Variants in HERC1 observed in about 807,000 individuals in gnomAD.
The protein encoded by HERC1 is probable E3 ubiquitin-protein ligase HERC1.
HERC1 carries 160 observed loss-of-function variants against 554.3 expected under a neutral mutation model. That is an observed-to-expected ratio of 0.29 (90% CI 0.25 to 0.33). The LOEUF (loss-of-function observed/expected upper bound fraction) is 0.33. Among genes scored for constraint, HERC1 ranks in the 10% least tolerant of loss-of-function variants. HERC1 has a pLI of 1.00. For synonymous variants in HERC1, 2,175 were observed against 2,131.7 expected, an observed-to-expected ratio of 1.02 and a Z score of -0.56; for missense variants, 4,919 against 5,918.5, an observed-to-expected ratio of 0.83 and a Z score of 5.54.
At chr15:63,815,195 T>C (rs74019032) in intron 1 of HERC1, among the ~76,000 whole-genome samples, 4,098 of 152,220 alleles carry the variant, frequency 0.027, 72 homozygotes, top group African/African-American at 0.051. Context: ...TGTCTAAAAG[T>C]TAAATATGTC....
At chr15:63,728,626 G>A (rs955549301) in intron 16 of HERC1, among the ~76,000 whole-genome samples, 4 of 152,090 alleles carry the variant, frequency 2.6e-5, no homozygotes, top group Non-Finnish European at 5.9e-5. Context: ...AAAGGCTCTA[G>A]GACTCAGGAA....
At chr15:63,771,753 G>C (rs750482966) in intron 2 of HERC1, among the ~76,000 whole-genome samples, 9 of 151,914 alleles carry the variant, frequency 5.9e-5, no homozygotes, top group Non-Finnish European at 1.3e-4. Flanking sequence ...TTTTTTAGAG[G>C]CATCTCTGCC....
At chr15:63,804,737 A>C (rs903916584) in intron 1 of HERC1, among the ~76,000 whole-genome samples, 3 of 152,194 alleles carry the variant, frequency 2.0e-5, no homozygotes, top group Non-Finnish European at 4.4e-5. Flanking sequence ...TATAAAAAGA[A>C]CCCTTACAAC....
chr15:63,729,254 C>G lies in HERC1; in HGVS notation c.3136G>C (p.Val1046Leu). 6.2e-7 allele frequency: 1 copy of G among 1,600,428 alleles called. No homozygotes were observed. The highest frequency in any genetic ancestry group is 8.5e-7 in the Non-Finnish European group (1 of 1,176,322). Reference sequence around the variant, plus strand: ...AACTCACCTCTTAATTTTTCTCCAACACTGCCATTCCAAGGACTTTCTTTG... The same window carrying G: ...AACTCACCTCTTAATTTTTCTCCAAGACTGCCATTCCAAGGACTTTCTTTG... ...LLKESPWNGS[V>L]GEKLRDVIYV... The change falls in exon 16 of 78, where the codon GTT (valine) becomes CTT (leucine). Residue 1046 changes from valine to leucine, a missense_variant. This residue lies in a region of HERC1 where 1,121 missense variants were observed against 1,244.0 expected (regional missense o/e 0.90). Transcript: ENST00000443617.
At chr15:63,713,284 A>T in intron 23 of HERC1, 69 bp downstream of exon 23, 1 of 1,316,928 alleles carries the variant, frequency 7.6e-7, no homozygotes. Context: ...TTGGAAACAA[A>T]CCATTTCAGT....
rs2067790377 is a variant in HERC1 at position 63,615,816 on chromosome 15, T to C, written c.14046A>G (p.Glu4682=). ...SIPLTFSNRK[E]YVERAIEYRL... is the part of the protein sequence containing the mutation. ...GATATTCAATGGCCCTCTCCACATA[T>C]TCCTTCCTGTTGGAAAATGTGAGTG... The change falls in exon 76 of 78, where the codon GAA becomes GAG. Residue 4682 remains glutamate (E), a synonymous_variant. Transcript: ENST00000443617. The C allele has an allele frequency of 1.2e-6, 2 of 1,608,788 alleles. No individual in the cohort carries two copies. The highest frequency in any genetic ancestry group is 1.7e-6 in the Non-Finnish European group (2 of 1,178,322).
At chr15:63,699,071 G>T (rs533205244) in intron 25 of HERC1, 75 bp from the exon 26 acceptor site, 4 of 1,325,026 alleles carry the variant, frequency 3.0e-6, no homozygotes, top group Non-Finnish European at 4.2e-6. Context: ...ATAAGGCTGA[G>T]TGCTGCTACC....
intron 1 of HERC1, among the ~76,000 whole-genome samples, chr15:63,784,478 A>T (rs1436591721): frequency 6.6e-6 from 1 of 152,216 alleles, no homozygotes; most frequent in Non-Finnish European, 1.5e-5. Context: ...ACATTTTTTT[A>T]AAACCTAGGA....
chr15:63,823,475 T>C (rs1187079937), intron 1 of HERC1, among the ~76,000 whole-genome samples: 1 of 152,172 alleles, frequency 6.6e-6, no homozygotes, highest in Non-Finnish European at 1.5e-5. Context: ...TTGCCTAACA[T>C]CATTCTACCT....
intron 55 of HERC1, 55 bp downstream of exon 55, chr15:63,648,014 G>A (rs1329128215): frequency 7.1e-7 from 1 of 1,402,736 alleles, no homozygotes; most frequent in Non-Finnish European, 9.9e-7. Context: ...ATCTATGCAT[G>A]TAACAAAATT....
At chr15:63,708,697 A>G (rs1432920802) in intron 24 of HERC1, among the ~76,000 whole-genome samples, 3 of 152,244 alleles carry the variant, frequency 2.0e-5, no homozygotes, top group Non-Finnish European at 4.4e-5. Flanking sequence ...AACTTCTAAC[A>G]TTTTAAAAAG....
intron 19 of HERC1, among the ~76,000 whole-genome samples, chr15:63,720,885 G>A (rs2073790116): frequency 1.3e-5 from 2 of 152,094 alleles, no homozygotes; most frequent in Non-Finnish European, 2.9e-5. Flanking sequence ...AAAATAATGG[G>A]TTCCTTTAAA....
At chr15:63,655,071 C>T (rs564496132) in intron 50 of HERC1, among the ~76,000 whole-genome samples, 38 of 151,780 alleles carry the variant, frequency 2.5e-4, no homozygotes, top group African/African-American at 8.2e-4. Context: ...AAGCCAGTAT[C>T]GGCTGGGTGT....
chr15:63,725,069 C>G (rs1378488260), intron 18 of HERC1, among the ~76,000 whole-genome samples: 1 of 152,030 alleles, frequency 6.6e-6, no homozygotes, highest in Non-Finnish European at 1.5e-5. Flanking sequence ...CAGAGTAGGA[C>G]CAGACCTACA....
intron 1 of HERC1, among the ~76,000 whole-genome samples, chr15:63,791,163 T>G (rs1309352345): frequency 6.6e-6 from 1 of 152,200 alleles, no homozygotes; most frequent in Non-Finnish European, 1.5e-5. Flanking sequence ...GACATATCTA[T>G]CAACCTTCTC....
In HERC1 at chr15:63,718,935, T is replaced by G. The variant is rs2073687360; in HGVS notation, c.3743-38A>C. The G allele has an allele frequency of 7.0e-7, 1 of 1,421,210 alleles. No homozygotes were observed. Among genetic ancestry groups the G allele is most frequent in the African/African-American group, 1.4e-5 (1 of 70,292 alleles). 88.0% of individuals were successfully genotyped at this position (1,421,210 alleles called of 1,614,324 possible). On this transcript the variant is annotated intron_variant, in intron 19 of 77. Transcript: ENST00000443617. The surrounding 1 kb of genome is among the most constrained non-coding windows in gnomAD (Gnocchi z 4.2). ...ATGATGCATTGACATTTAAAAGGGC[T>G]CAGAAAACAGTTCAGAGGTAATTTT...
intron 2 of HERC1, among the ~76,000 whole-genome samples, chr15:63,767,555 G>A (rs76226628): frequency 3.3e-5 from 5 of 152,002 alleles, no homozygotes; most frequent in African/African-American, 9.7e-5. Context: ...AATTTTAGCC[G>A]GGCGTGGTGG....
rs1418894618 is a variant in HERC1, at chr15:63,662,924, C to T, written c.8901+60G>A. 3 of 1,280,588 alleles carry T rather than the reference C, an allele frequency of 2.3e-6. No homozygotes were observed. The East Asian group carries it at 7.1e-5, about 30-fold the overall frequency. The allele number at this position is 1,280,588 out of a possible 1,614,324, so 79.3% of individuals were successfully genotyped here. A position where few individuals can be genotyped will look rare whatever the true frequency, so the allele number is the denominator to read the frequency against. On this transcript the variant is annotated intron_variant, in intron 44 of 77. Coordinates refer to ENST00000443617, the MANE Select transcript of HERC1 (RefSeq NM_003922.4). ...TCTAGGCAAGGCTGCTGTTAGTAAG[C>T]TATATGAACAGGAGGGCAGGAAAAT... is the stretch of plus-strand genomic sequence containing the variant.
intron 24 of HERC1, among the ~76,000 whole-genome samples, chr15:63,709,851 G>A (rs758707438): frequency 2.6e-5 from 4 of 152,126 alleles, no homozygotes; most frequent in African/African-American, 4.8e-5. Context: ...TAAGACAAAC[G>A]GTAAATTATC....
Sources: allele counts gnomAD v4.1 joint callset (sites outside exome capture counted in the v4.1 genomes callset), GRCh38; gene constraint gnomAD v4.1.1; regional missense constraint gnomAD v4.1.1; non-coding constraint Gnocchi (gnomAD v3.1); transcripts MANE v1.5; gene names NCBI Gene and HGNC (gene_info 2026-07-23, HGNC 2026-07-21).